CCDC88A: variants seen among roughly 807,000 people sequenced by gnomAD.
The protein encoded by CCDC88A is coiled-coil and HOOK domain protein 88A, also known as girdin.
CCDC88A carries 54 observed loss-of-function variants against 234.3 expected under a neutral mutation model. The ratio of observed to expected loss-of-function variants is 0.23; its 90% confidence interval spans 0.19 to 0.29. The LOEUF is 0.29. CCDC88A is among the 10% of genes least tolerant of loss of function. The probability of loss-of-function intolerance (pLI) is 1.00; values close to 1 mark genes in which losing one functional copy is unlikely to be tolerated. For missense variants in CCDC88A, 1,832 were observed against 2,123.4 expected (o/e 0.86, Z 2.70); for synonymous variants, 753 against 737.8 (o/e 1.02, Z -0.33).
At chr2:55,407,940 A>G (rs528649870) in intron 2 of CCDC88A, among the ~76,000 whole-genome samples, 1 of 150,672 alleles carries the variant, frequency 6.6e-6, no homozygotes, top group South Asian at 2.1e-4. Flanking sequence ...CTGGTCTCGA[A>G]CTTCTGACCT....
Position 55,328,264 on chromosome 2 carries a change from C to T in CCDC88A, c.2997+30G>A, listed in dbSNP as rs750523741. The stretch of plus-strand genomic sequence containing the variant: ...CCAAATATTTATATAATAAATGATC[C>T]TTAAAATTCTTTCCAAGAAAATCAC... On this transcript the variant is annotated intron_variant, in intron 17 of 32. Transcript: ENST00000436346. The surrounding 1 kb of genome is among the most constrained non-coding windows in gnomAD (Gnocchi z 4.3). 12 of 1,480,076 alleles carry T rather than the reference C, an allele frequency of 8.1e-6. No homozygotes were observed. Among genetic ancestry groups the T allele is most frequent in the East Asian group, 2.5e-5 (1 of 40,662 alleles). The allele number at this position is 1,480,076 out of a possible 1,614,324, so 91.7% of individuals were successfully genotyped here. A position where few individuals can be genotyped will look rare whatever the true frequency, so the allele number is the denominator to read the frequency against.
intron 9 of CCDC88A, among the ~76,000 whole-genome samples, chr2:55,346,930 TATC>T (rs1175577678): frequency 3.3e-5 from 5 of 152,270 alleles, no homozygotes; most frequent in East Asian, 1.9e-4. Flanking sequence ...ATTTTTTAAA[TATC>T]ATGCTATCTG....
At chr2:55,333,459 A>G (rs1161993361) in intron 15 of CCDC88A, among the ~76,000 whole-genome samples, 1 of 152,120 alleles carries the variant, frequency 6.6e-6, no homozygotes, top group Non-Finnish European at 1.5e-5. Flanking sequence ...GTTGAACCTG[A>G]TTTGCATTCT....
chr2:55,364,181 C>A, intron 5 of CCDC88A, 148 bp from the exon 6 acceptor site: 7 of 466,740 alleles, frequency 1.5e-5, no homozygotes, highest in Admixed American at 4.0e-5. Context: ...AACATACTTA[C>A]CTAATAAACA....
At chr2:55,382,309 T>C (rs1032104724) in intron 3 of CCDC88A, among the ~76,000 whole-genome samples, 2 of 152,240 alleles carry the variant, frequency 1.3e-5, no homozygotes, top group African/African-American at 4.8e-5. Flanking sequence ...ATCTGTTCTT[T>C]GTTTTTGATA....
At chr2:55,378,113 A>T (rs1195944142) in intron 3 of CCDC88A, among the ~76,000 whole-genome samples, 1 of 152,160 alleles carries the variant, frequency 6.6e-6, no homozygotes, top group Admixed American at 6.5e-5. Context: ...TATAAGCAAA[A>T]TTGTCCCAAT....
chr2:55,346,983 T>A (rs770374640), intron 9 of CCDC88A, among the ~76,000 whole-genome samples: 2 of 152,110 alleles, frequency 1.3e-5, no homozygotes, highest in African/African-American at 4.8e-5. Context: ...TTAAAATAAG[T>A]TAACATCTAT....
intron 2 of CCDC88A, among the ~76,000 whole-genome samples, chr2:55,395,192 T>A (rs567203494): frequency 6.6e-6 from 1 of 152,242 alleles, no homozygotes; most frequent in Admixed American, 6.5e-5. Flanking sequence ...TGCTCAGGCT[T>A]GCCTCAAACT....
chr2:55,295,716 G>A lies in CCDC88A; in HGVS notation c.5432C>T (p.Thr1811Ile). ...TGTCCTTCGTGTAGTTCCTTCGGCAGTTGAGATCACGCTGCTTGCACGAGG... is the reference window on the plus strand; with the variant it reads ...TGTCCTTCGTGTAGTTCCTTCGGCAATTGAGATCACGCTGCTTGCACGAGG... ...TLPRASSVIS[T>I]AEGTTRRTSI... The change falls in exon 31 of 33, where the codon ACT (threonine) becomes ATT (isoleucine). Residue 1811 changes from threonine (T) to isoleucine (I), a missense_variant. Around this residue, in one of 6 missense-constraint regions of CCDC88A, gnomAD observed 422 missense variants for 416.5 expected, o/e 1.01. Transcript: ENST00000436346. 31 of 1,614,164 alleles carry A rather than the reference G, an allele frequency of 1.9e-5. No individual in the cohort carries two copies. The highest frequency in any genetic ancestry group is 2.5e-5 in the Non-Finnish European group (30 of 1,180,008).
intron 8 of CCDC88A, among the ~76,000 whole-genome samples, chr2:55,351,091 T>C (rs1270325382): frequency 2.0e-5 from 3 of 152,322 alleles, no homozygotes; most frequent in African/African-American, 7.2e-5. Flanking sequence ...CCTGTGTATT[T>C]CAGGATAGTT....
Position 55,362,464 on chromosome 2 carries a change from C to T in CCDC88A, c.487-16G>A. ...TATGAGTTACCTTTAGAAAAGTGAC[C>T]AAAATAAACAACCAAAAAAGTGGCT... On this transcript the variant is annotated splice_polypyrimidine_tract_variant and intron_variant, in intron 6 of 32. Transcript: ENST00000436346. 1.3e-6 allele frequency: 2 copies of T among 1,588,704 alleles called. No homozygotes were observed. Among genetic ancestry groups the T allele is most frequent in the Non-Finnish European group, 1.7e-6 (2 of 1,171,772 alleles).
Position 55,384,621 on chromosome 2 carries a change from G to A in CCDC88A, c.273+4157C>T, listed in dbSNP as rs543756976. Among the ~76,000 whole-genome samples the A allele has an allele frequency of 5.2e-3, 72 of 13,828 alleles. 4 individuals carry two copies. The highest frequency in any genetic ancestry group is 6.8e-3 in the East Asian group (3 of 442). The allele number at this position is 13,828 out of a possible 152,430, so 9.1% of individuals were successfully genotyped here. ...TATACGTATATATGTGTATATATAC[G>A]TATATATATGTATATATGTGTATAT... On this transcript the variant is annotated intron_variant, in intron 3 of 32. Coordinates refer to ENST00000436346, the MANE Select transcript of CCDC88A (RefSeq NM_001365480.1).
intron 3 of CCDC88A, among the ~76,000 whole-genome samples, chr2:55,381,504 G>A (rs1251278503): frequency 7.8e-6 from 1 of 128,330 alleles, no homozygotes; most frequent in Non-Finnish European, 1.6e-5. Context: ...AGTTAGCCAA[G>A]ATTGTGCCAC....
rs373119795 is a variant in CCDC88A at position 55,291,836 on chromosome 2, G to T, written c.5552-61C>A. ...AGATGAAACAAAATACAATTCAGAA[G>T]ATAAGAAATACACTCTCACTGAGTA... is the stretch of plus-strand genomic sequence containing the variant. On this transcript the variant is annotated intron_variant, in intron 31 of 32. Coordinates refer to ENST00000436346, the MANE Select transcript of CCDC88A (RefSeq NM_001365480.1). 24 of 1,310,158 alleles carry T rather than the reference G, an allele frequency of 1.8e-5. No homozygotes were observed. In the Middle Eastern group the frequency reaches 7.8e-4, roughly 42 times the overall value. 81.2% of individuals were successfully genotyped at this position (1,310,158 alleles called of 1,614,324 possible).
intron 3 of CCDC88A, among the ~76,000 whole-genome samples, chr2:55,387,926 A>G (rs2104889076): frequency 6.6e-6 from 1 of 152,326 alleles, no homozygotes; most frequent in African/African-American, 2.4e-5. Flanking sequence ...TATAAGACAA[A>G]ATTTGATAAA....
chr2:55,349,533 T>C lies in CCDC88A; in HGVS notation c.867A>G (p.Lys289=). 1 of 1,612,508 alleles carries C rather than the reference T, an allele frequency of 6.2e-7. No individual in the cohort carries two copies. Residue 289 remains lysine (K), a synonymous_variant, in exon 9 of 33, where the codon AAA becomes AAG. Coordinates refer to ENST00000436346, the MANE Select transcript of CCDC88A (RefSeq NM_001365480.1). ...AGGTACAAACCTCTTGTTGCAGCCT[T>C]TTGAGTTCTATTTCCATTTGCTCAA... is the stretch of plus-strand genomic sequence containing the variant. ...QELEQMEIEL[K]RLQQENMNLL... is the part of the protein sequence containing the mutation.
chr2:55,297,374 T>TTATATAA (rs1680286292), intron 29 of CCDC88A, among the ~76,000 whole-genome samples: 3 of 102,450 alleles, frequency 2.9e-5, no homozygotes, highest in Admixed American at 1.5e-4. Flanking sequence ...TAATATATAT[T>TTATATAA]ATATATAAAT....
chr2:55,353,084 C>T (rs1400022433), intron 8 of CCDC88A, among the ~76,000 whole-genome samples: 1 of 152,156 alleles, frequency 6.6e-6, no homozygotes, highest in African/African-American at 2.4e-5. Flanking sequence ...AATACTGGCA[C>T]ATTTATTTAC....
At chr2:55,375,299 A>T (rs1461600365) in intron 3 of CCDC88A, among the ~76,000 whole-genome samples, 1 of 151,948 alleles carries the variant, frequency 6.6e-6, no homozygotes. Context: ...ATTATTTGGA[A>T]ATCTGAAGTT....
Sources: allele counts gnomAD v4.1 joint callset (sites outside exome capture counted in the v4.1 genomes callset), GRCh38; gene constraint gnomAD v4.1.1; regional missense constraint gnomAD v4.1.1; non-coding constraint Gnocchi (gnomAD v3.1); transcripts MANE v1.5; gene names NCBI Gene and HGNC (gene_info 2026-07-23, HGNC 2026-07-21).